KIF13B: variants seen among roughly 807,000 people sequenced by gnomAD.
KIF13B encodes kinesin family member 13B, also known as kinesin-like protein KIF13B.
Under a neutral mutation model 222.0 loss-of-function variants are expected in KIF13B, and 127 were observed. The ratio of observed to expected loss-of-function variants is 0.57; its 90% CI spans 0.50 to 0.66. The LOEUF (loss-of-function observed/expected upper bound fraction) is 0.66, where lower values mean the gene tolerates loss of function less well. KIF13B is among the 30% of genes least tolerant of loss of function. The probability of loss-of-function intolerance (pLI) is 0.00; values close to 1 mark genes in which losing one functional copy is unlikely to be tolerated. For synonymous variants in KIF13B, 976 were observed against 919.0 expected, an observed-to-expected ratio of 1.06 and a Z score of -1.12; for missense variants, 2,173 against 2,379.0, an observed-to-expected ratio of 0.91 and a Z score of 1.80.
At chr8:29,160,986 A>T in intron 12 of KIF13B, 119 bp from the exon 13 acceptor site, 1 of 755,786 alleles carries the variant, frequency 1.3e-6, no homozygotes, top group Middle Eastern at 2.6e-4. Context: ...ACATTCTCTT[A>T]GGCTATGGCA....
chr8:29,226,253 C>T (rs1815019514), intron 2 of KIF13B, among the ~76,000 whole-genome samples: 1 of 152,114 alleles, frequency 6.6e-6, no homozygotes. Flanking sequence ...TTTGAACTTA[C>T]ATGACTGTCT....
At chr8:29,140,027 G>T (rs375165563) in intron 21 of KIF13B, 36 bp downstream of exon 21, 56 of 1,529,352 alleles carry the variant, frequency 3.7e-5, no homozygotes, top group Non-Finnish European at 4.0e-5. Flanking sequence ...AATGACTTTT[G>T]TATCAACGTA....
intron 13 of KIF13B, among the ~76,000 whole-genome samples, chr8:29,158,505 G>T (rs1035209185): frequency 6.6e-6 from 1 of 152,188 alleles, no homozygotes; most frequent in Non-Finnish European, 1.5e-5. Flanking sequence ...GCTGGAACTA[G>T]AAAGAACTTT....
chr8:29,148,785 T>C lies in KIF13B; in HGVS notation c.1623-18A>G, dbSNP rs1325485509. 1.3e-6 allele frequency: 2 copies of C among 1,568,962 alleles called. No individual in the cohort carries two copies. Among genetic ancestry groups the C allele is most frequent in the East Asian group, 2.3e-5 (1 of 43,948 alleles). On this transcript the variant is annotated intron_variant, in intron 15 of 39. Transcript: ENST00000524189. ...AATTGAGTCTTGGTGGGAAAAAGAG[T>C]ATTATTTTCTGAAGTTAAGATAGGC...
chr8:29,108,943 T>TA (rs1809224925), intron 34 of KIF13B, among the ~76,000 whole-genome samples: 1 of 152,208 alleles, frequency 6.6e-6, no homozygotes, highest in Non-Finnish European at 1.5e-5. Context: ...AATATGCACA[T>TA]AAATTATATA....
chr8:29,081,410 A>T (rs1181749863), intron 37 of KIF13B, among the ~76,000 whole-genome samples: 2 of 152,174 alleles, frequency 1.3e-5, no homozygotes, highest in Non-Finnish European at 2.9e-5. Context: ...ATAACCTTAA[A>T]CACTGAAATG....
At chr8:29,227,988 C>T (rs1447356232) in intron 2 of KIF13B, among the ~76,000 whole-genome samples, 4 of 151,148 alleles carry the variant, frequency 2.6e-5, no homozygotes, top group South Asian at 2.1e-4. Context: ...CTGTGTTTAG[C>T]GCCTTCAGCT....
chr8:29,176,570 GTTTC>G (rs1443610102), intron 9 of KIF13B, among the ~76,000 whole-genome samples: 4 of 152,108 alleles, frequency 2.6e-5, no homozygotes, highest in African/African-American at 7.2e-5. Context: ...TCTCCATTTG[GTTTC>G]TTTATGACTC....
At chr8:29,083,197 A>G (rs932190234) in intron 37 of KIF13B, among the ~76,000 whole-genome samples, 2 of 152,232 alleles carry the variant, frequency 1.3e-5, no homozygotes, top group Non-Finnish European at 2.9e-5. Context: ...TGGCTTTTAC[A>G]TTCTTAATGA....
intron 1 of KIF13B, among the ~76,000 whole-genome samples, chr8:29,259,391 C>T (rs369825531): frequency 2.0e-5 from 3 of 152,166 alleles, no homozygotes; most frequent in South Asian, 2.1e-4. Context: ...TCATTTCTTT[C>T]GTTTCCCGGT....
chr8:29,258,884 G>T (rs1043828778), intron 1 of KIF13B, among the ~76,000 whole-genome samples: 2 of 152,100 alleles, frequency 1.3e-5, no homozygotes, highest in Admixed American at 6.5e-5. Context: ...GCCCATGACA[G>T]TCATTTCCTC....
intron 32 of KIF13B, among the ~76,000 whole-genome samples, chr8:29,111,649 G>C (rs1441078087): frequency 6.6e-6 from 1 of 152,102 alleles, no homozygotes; most frequent in Non-Finnish European, 1.5e-5. Flanking sequence ...GAGAATAAAA[G>C]CACTTTTTTT....
At chr8:29,144,238 AT>A (rs1452208336) in intron 18 of KIF13B, among the ~76,000 whole-genome samples, 1 of 152,088 alleles carries the variant, frequency 6.6e-6, no homozygotes, top group African/African-American at 2.4e-5. Context: ...ACATTTGAGA[AT>A]TCTTACGGTC....
At chr8:29,127,032 G>A in intron 25 of KIF13B, 90 bp downstream of exon 25, 2 of 1,125,790 alleles carry the variant, frequency 1.8e-6, no homozygotes, top group South Asian at 3.2e-5. Context: ...GGAAAGAAAT[G>A]TTCATAAAAA....
Position 29,142,349 on chromosome 8 carries a change from G to T in KIF13B, c.2188-46C>A, listed in dbSNP as rs746196781. On this transcript the variant is annotated intron_variant, in intron 18 of 39. Transcript: ENST00000524189. ...ACCGTGAGAAACACACAGGCAGCGGGGAAGTCAAAGCTGACAATTCCACCC... is the reference window on the plus strand; with the variant it reads ...ACCGTGAGAAACACACAGGCAGCGGTGAAGTCAAAGCTGACAATTCCACCC... 2.7e-5 allele frequency: 42 copies of T among 1,555,406 alleles called. No individual in the cohort carries two copies. In the South Asian group the frequency reaches 4.6e-4, roughly 17 times the overall value.
intron 29 of KIF13B, among the ~76,000 whole-genome samples, chr8:29,121,884 A>T (rs1308857335): frequency 3.3e-5 from 5 of 152,212 alleles, no homozygotes; most frequent in Admixed American, 3.3e-4. Flanking sequence ...AATGCTAAGA[A>T]AACACCACAA....
intron 24 of KIF13B, among the ~76,000 whole-genome samples, chr8:29,127,475 A>G (rs1001768939): frequency 2.6e-5 from 4 of 152,368 alleles, no homozygotes; most frequent in Non-Finnish European, 5.9e-5. Context: ...CAGAATAAAT[A>G]TATGTTTACA....
intron 32 of KIF13B, among the ~76,000 whole-genome samples, chr8:29,111,634 G>A (rs931900280): frequency 6.6e-5 from 10 of 152,110 alleles, no homozygotes; most frequent in African/African-American, 2.2e-4. Context: ...AAACCCTATC[G>A]CCTGGAGAAT....
chr8:29,196,281 T>C, intron 2 of KIF13B, 82 bp from the exon 3 acceptor site: 1 of 1,140,408 alleles, frequency 8.8e-7, no homozygotes, highest in Non-Finnish European at 1.3e-6. Flanking sequence ...AAGACTTTTT[T>C]TGAAGGGTAA....
Sources: allele counts gnomAD v4.1 joint callset (sites outside exome capture counted in the v4.1 genomes callset), GRCh38; gene constraint gnomAD v4.1.1; transcripts MANE v1.5; gene names NCBI Gene and HGNC (gene_info 2026-07-23, HGNC 2026-07-21).